Variants in ACAP2 observed in about 807,000 individuals in gnomAD.
ACAP2 encodes ArfGAP with coiled-coil, ankyrin repeat and PH domains 2.
Under a neutral mutation model 115.8 loss-of-function variants are expected in ACAP2, and 39 were observed. That is an observed-to-expected ratio of 0.34 (90% CI 0.26 to 0.44). The LOEUF is 0.44. ACAP2 is among the 20% of genes least tolerant of loss of function. ACAP2 has a pLI of 1.00. For synonymous variants in ACAP2, 289 were observed against 315.8 expected, an observed-to-expected ratio of 0.92 and a Z score of 0.90; for missense variants, 662 against 927.6, an observed-to-expected ratio of 0.71 and a Z score of 3.72.
chr3:195,381,896 T>C lies in ACAP2; in HGVS notation c.231+7A>G. On this transcript the variant is annotated splice_region_variant and intron_variant, in intron 3 of 22. Transcript: ENST00000326793. Reference sequence around the variant, plus strand: ...TCATTTTTAACTGCAATTTTAGTAATACTAACCTCAACGACAGCATCATTA... The same window carrying C: ...TCATTTTTAACTGCAATTTTAGTAACACTAACCTCAACGACAGCATCATTA... 1 of 1,588,140 alleles carries C rather than the reference T, an allele frequency of 6.3e-7. No individual in the cohort carries two copies. Among genetic ancestry groups the C allele is most frequent in the Non-Finnish European group, 8.5e-7 (1 of 1,172,470 alleles).
chr3:195,353,320 T>C (rs1731738163), intron 4 of ACAP2, among the ~76,000 whole-genome samples: 2 of 152,170 alleles, frequency 1.3e-5, no homozygotes, highest in African/African-American at 4.8e-5. Context: ...ATGCATGTTG[T>C]TTCATGCCAC....
At chr3:195,382,305 T>C (rs1182559029) in intron 2 of ACAP2, among the ~76,000 whole-genome samples, 2 of 152,168 alleles carry the variant, frequency 1.3e-5, no homozygotes, top group African/African-American at 4.8e-5. Context: ...GTATGATAGC[T>C]TAGTGATCAT....
intron 1 of ACAP2, among the ~76,000 whole-genome samples, chr3:195,435,263 C>T (rs775810651): frequency 2.0e-5 from 3 of 150,594 alleles, no homozygotes; most frequent in Non-Finnish European, 4.4e-5. Flanking sequence ...CAACCTCTGC[C>T]CCCCGGGTTC....
chr3:195,369,860 T>C (rs1190161510), intron 4 of ACAP2, among the ~76,000 whole-genome samples: 1 of 152,222 alleles, frequency 6.6e-6, no homozygotes, highest in East Asian at 1.9e-4. Context: ...GTTGAACCAA[T>C]TTACACTTCC....
chr3:195,280,809 C>T (rs1726452324), intron 22 of ACAP2: 1 of 152,170 alleles, frequency 6.6e-6, no homozygotes, highest in Non-Finnish European at 1.5e-5. Flanking sequence ...TAAACATTAG[C>T]CTTATACAAA....
intron 1 of ACAP2, among the ~76,000 whole-genome samples, chr3:195,420,966 A>C (rs570194231): frequency 6.6e-6 from 1 of 152,194 alleles, no homozygotes; most frequent in Non-Finnish European, 1.5e-5. Flanking sequence ...TGAATGATTT[A>C]CTTGTTCTAT....
chr3:195,294,345 C>T (rs1021442178), intron 18 of ACAP2, among the ~76,000 whole-genome samples: 16 of 151,148 alleles, frequency 1.1e-4, no homozygotes, highest in Non-Finnish European at 1.6e-4. Flanking sequence ...TTTGGGAGGC[C>T]GAGGTTGGTG....
At chr3:195,442,364 A>G (rs986654370) in intron 1 of ACAP2, 17 of 205,830 alleles carry the variant, frequency 8.3e-5, no homozygotes, top group Non-Finnish European at 1.5e-4. Flanking sequence ...ATGCCCTGAA[A>G]GCTCCCTCAA....
At chr3:195,378,632 G>A (rs1163573032) in intron 4 of ACAP2, among the ~76,000 whole-genome samples, 1 of 152,110 alleles carries the variant, frequency 6.6e-6, no homozygotes, top group East Asian at 1.9e-4. Context: ...AGGCCAAGGC[G>A]GGTGGATCAC....
In ACAP2 at chr3:195,289,227, C is replaced by A; in HGVS notation, c.2068G>T (p.Val690Leu). ...HATVLGHTGQ[V>L]CLFLKRGANQ... ...GCACCTCGTTTTAGGAATAAACATA[C>A]CTGCCTGTTTAAGAACACAGCATTT... The change falls in exon 21 of 23, where the codon GTA becomes TTA. Residue 690 changes from valine to leucine, a missense_variant. By Grantham distance (32) the Val-to-Leu change is conservative. Around this residue, in one of 3 missense-constraint regions of ACAP2, gnomAD observed 128 missense variants for 200.2 expected, o/e 0.64. Transcript: ENST00000326793. 1 of 1,608,258 alleles carries A rather than the reference C, an allele frequency of 6.2e-7. No individual in the cohort carries two copies. Among genetic ancestry groups the A allele is most frequent in the Non-Finnish European group, 8.5e-7 (1 of 1,177,136 alleles).
chr3:195,391,064 C>G (rs1392973512), intron 2 of ACAP2, among the ~76,000 whole-genome samples: 1 of 152,028 alleles, frequency 6.6e-6, no homozygotes, highest in African/African-American at 2.4e-5. Context: ...ATAAGTATTT[C>G]TGGTATTAGC....
intron 6 of ACAP2, among the ~76,000 whole-genome samples, chr3:195,342,031 C>T (rs1291718201): frequency 6.6e-6 from 1 of 152,026 alleles, no homozygotes; most frequent in Non-Finnish European, 1.5e-5. Flanking sequence ...GAAAAATTTC[C>T]TGTTGGGTAC....
At chr3:195,344,267 C>T (rs1331447173) in intron 5 of ACAP2, among the ~76,000 whole-genome samples, 1 of 151,936 alleles carries the variant, frequency 6.6e-6, no homozygotes, top group African/African-American at 2.4e-5. Context: ...AATACATAAC[C>T]TCCAGAACAA....
intron 2 of ACAP2, among the ~76,000 whole-genome samples, chr3:195,384,676 G>C (rs533527166): frequency 3.3e-5 from 5 of 152,192 alleles, no homozygotes; most frequent in African/African-American, 1.2e-4. Flanking sequence ...GCAGTGAGCT[G>C]AGATCATGCC....
intron 4 of ACAP2, among the ~76,000 whole-genome samples, chr3:195,351,001 TA>T (rs969473068): frequency 1.6e-3 from 237 of 147,132 alleles, no homozygotes; most frequent in African/African-American, 5.7e-3. Flanking sequence ...ACTGACTTCA[TA>T]AAAAAAAAGT....
At chr3:195,300,320 C>T (rs113629307) in intron 15 of ACAP2, among the ~76,000 whole-genome samples, 3,278 of 152,242 alleles carry the variant, frequency 0.022, 115 homozygotes, top group East Asian at 0.1. Context: ...GCTGGGATTA[C>T]AGGCATGAGC....
At chr3:195,339,984 T>TA (rs1271787631) in intron 6 of ACAP2, among the ~76,000 whole-genome samples, 6 of 151,810 alleles carry the variant, frequency 4.0e-5, no homozygotes, top group African/African-American at 1.4e-4. Context: ...TGTACAAAAA[T>TA]ACGGCAACAC....
intron 2 of ACAP2, among the ~76,000 whole-genome samples, chr3:195,389,977 C>A (rs922790816): frequency 8.5e-5 from 13 of 152,322 alleles, no homozygotes; most frequent in African/African-American, 3.1e-4. Context: ...GGGCGGATTG[C>A]CTGAGCACAG....
chr3:195,433,441 ATTTCTC>A (rs1715293123), intron 1 of ACAP2, among the ~76,000 whole-genome samples: 1 of 152,168 alleles, frequency 6.6e-6, no homozygotes, highest in South Asian at 2.1e-4. Context: ...GATGCCTTTA[ATTTCTC>A]TTTCCAGCCT....
Sources: allele counts gnomAD v4.1 joint callset (sites outside exome capture counted in the v4.1 genomes callset), GRCh38; gene constraint gnomAD v4.1.1; regional missense constraint gnomAD v4.1.1; transcripts MANE v1.5; gene names NCBI Gene and HGNC (gene_info 2026-07-23, HGNC 2026-07-21).